Variants in PACRG observed in about 807,000 individuals in gnomAD.
The protein encoded by PACRG is parkin coregulated, also known as parkin coregulated gene protein.
PACRG carries 29 observed loss-of-function variants against 29.7 expected under a neutral mutation model. That is an observed-to-expected ratio of 0.98 (90% confidence interval 0.73 to 1.33). The LOEUF (loss-of-function observed/expected upper bound fraction) is 1.33, where lower values mean the gene tolerates loss of function less well. Among genes scored for constraint, PACRG ranks in the 40% most tolerant of loss-of-function variants. PACRG has a pLI of 0.00. For synonymous variants in PACRG, 116 were observed against 118.7 expected, an observed-to-expected ratio of 0.98 and a Z score of 0.15; for missense variants, 279 against 316.2, an observed-to-expected ratio of 0.88 and a Z score of 0.89.
chr6:163,067,074 C>T (rs1348733936), intron 3 of PACRG, among the ~76,000 whole-genome samples: 1 of 152,216 alleles, frequency 6.6e-6, no homozygotes, highest in Non-Finnish European at 1.5e-5. Context: ...TGTCCTTCCT[C>T]CACTTCCTGA....
At chr6:163,012,357 A>G (rs1253135114) in intron 2 of PACRG, among the ~76,000 whole-genome samples, 4 of 152,258 alleles carry the variant, frequency 2.6e-5, no homozygotes, top group African/African-American at 9.6e-5. Flanking sequence ...AGTAAGAGCC[A>G]ATGGATCTTG....
intron 2 of PACRG, among the ~76,000 whole-genome samples, chr6:162,947,384 A>ATCATATG (rs1562765974): frequency 4.0e-4 from 15 of 37,938 alleles, no homozygotes; most frequent in African/African-American, 9.6e-4. Flanking sequence ...AATCATATAT[A>ATCATATG]TAATCATATA....
intron 4 of PACRG, among the ~76,000 whole-genome samples, chr6:163,265,342 C>T (rs1783489791): frequency 6.6e-6 from 1 of 152,124 alleles, no homozygotes; most frequent in South Asian, 2.1e-4. Context: ...CTGACAGTGA[C>T]AGGTGTTCCT....
chr6:163,308,985 C>A (rs921122527), intron 4 of PACRG, among the ~76,000 whole-genome samples: 6 of 152,146 alleles, frequency 3.9e-5, no homozygotes, highest in African/African-American at 1.4e-4. Context: ...CAAAAATATG[C>A]CTTTTCTGGT....
intron 4 of PACRG, among the ~76,000 whole-genome samples, chr6:163,199,393 G>T (rs546196981): frequency 6.6e-6 from 1 of 152,136 alleles, no homozygotes; most frequent in African/African-American, 2.4e-5. Context: ...TGTGTCAGCC[G>T]CTGTTCCAAG....
chr6:163,033,039 C>T (rs1807814776), intron 2 of PACRG, among the ~76,000 whole-genome samples: 1 of 152,206 alleles, frequency 6.6e-6, no homozygotes, highest in Non-Finnish European at 1.5e-5. Flanking sequence ...CCTTCAGCTT[C>T]ATCCTAACTT....
At chr6:162,844,373 G>A (rs900275590) in intron 2 of PACRG, among the ~76,000 whole-genome samples, 9 of 152,184 alleles carry the variant, frequency 5.9e-5, no homozygotes, top group African/African-American at 9.7e-5. Context: ...AGGTGAGTCC[G>A]TCACCCCTCT....
At chr6:162,895,156 G>A (rs1795071483) in intron 2 of PACRG, among the ~76,000 whole-genome samples, 3 of 148,474 alleles carry the variant, frequency 2.0e-5, no homozygotes, top group African/African-American at 7.5e-5. Context: ...TGTGATCTCA[G>A]CTACTCTGGA....
intron 2 of PACRG, among the ~76,000 whole-genome samples, chr6:162,947,649 C>CATATATATATATATATATATATAT (rs1799343083): frequency 1.0e-4 from 3 of 29,404 alleles, no homozygotes; most frequent in Non-Finnish European, 1.3e-4. Context: ...TATATATATA[C>CATATATATATATATATATATATAT]ACCCAAAGAT....
intron 1 of PACRG, among the ~76,000 whole-genome samples, chr6:162,780,954 G>C (rs1236281983): frequency 1.3e-5 from 2 of 151,910 alleles, no homozygotes; most frequent in East Asian, 1.9e-4. Flanking sequence ...AATGAGAGAG[G>C]AGTGGGAGAT....
intron 3 of PACRG, among the ~76,000 whole-genome samples, chr6:163,063,272 C>A (rs1387565840): frequency 6.6e-6 from 1 of 152,200 alleles, no homozygotes; most frequent in African/African-American, 2.4e-5. Context: ...ACTTTCACCC[C>A]CTGGATCCAG....
At chr6:162,852,005 G>GGAAGGAAAGGAAGGA (rs1562663902) in intron 2 of PACRG, among the ~76,000 whole-genome samples, 65 of 116,110 alleles carry the variant, frequency 5.6e-4, no homozygotes, top group South Asian at 5.5e-4. Context: ...GGGAGGGAGG[G>GGAAGGAAAGGAAGGA]AGGAAGGAAG....
intron 4 of PACRG, among the ~76,000 whole-genome samples, chr6:163,195,161 C>A (rs1441627000): frequency 6.6e-6 from 1 of 152,228 alleles, no homozygotes; most frequent in Non-Finnish European, 1.5e-5. Flanking sequence ...TTTATCCCCC[C>A]ATAACAGAGA....
chr6:162,966,562 C>A (rs569526887), intron 2 of PACRG, among the ~76,000 whole-genome samples: 2 of 149,702 alleles, frequency 1.3e-5, no homozygotes, highest in Admixed American at 1.3e-4. Context: ...CTGCAAGCTC[C>A]GCCTCCCGGG....
At chr6:162,758,402 T>C (rs1170586308) in intron 1 of PACRG, among the ~76,000 whole-genome samples, 1 of 152,184 alleles carries the variant, frequency 6.6e-6, no homozygotes, top group Non-Finnish European at 1.5e-5. Flanking sequence ...TCTTTTTTCT[T>C]GACTATAGCA....
At chr6:162,739,133 C>CT (rs745564426) in intron 1 of PACRG, among the ~76,000 whole-genome samples, 12 of 152,094 alleles carry the variant, frequency 7.9e-5, no homozygotes, top group Non-Finnish European at 1.3e-4. Context: ...AATGAGAATT[C>CT]TTTTTTCCAA....
intron 3 of PACRG, among the ~76,000 whole-genome samples, chr6:163,088,753 A>G (rs1216232316): frequency 6.6e-6 from 1 of 150,848 alleles, no homozygotes; most frequent in Non-Finnish European, 1.5e-5. Context: ...CTTTATGTTC[A>G]CTTCTACCAA....
In PACRG at chr6:162,942,896, G is replaced by A. The variant is rs149366867; in HGVS notation, c.292-119254G>A. ...ATCAAACTTTGAATAGATTATCTAA[G>A]AAAGACACTGGAATTCAACAAAGAA... On this transcript the variant is annotated intron_variant, in intron 2 of 4. Transcript: ENST00000366888. Among the ~76,000 whole-genome samples the A allele has an allele frequency of 1.1e-4, 17 of 152,256 alleles. No individual in the cohort carries two copies. In the East Asian group the frequency reaches 2.9e-3, roughly 26 times the overall value.
chr6:163,221,357 G>A (rs1781575113), intron 4 of PACRG, among the ~76,000 whole-genome samples: 1 of 152,186 alleles, frequency 6.6e-6, no homozygotes, highest in Non-Finnish European at 1.5e-5. Flanking sequence ...TTCCGTGCGG[G>A]CAAAGGCAGT....
Sources: gnomAD v4.1 joint callset for allele counts (sites outside exome capture counted in the v4.1 genomes callset) on GRCh38, gnomAD v4.1.1 for gene constraint, MANE v1.5 for transcripts, NCBI Gene and HGNC (gene_info 2026-07-23, HGNC 2026-07-21) for gene names.